Variants in SYT16 observed in about 807,000 individuals in gnomAD.
SYT16 encodes synaptotagmin 16.
SYT16 carries 42 observed loss-of-function variants against 61.4 expected under a neutral mutation model. The observed-to-expected ratio is 0.68, with a 90% confidence interval of 0.53 to 0.89. SYT16 has a LOEUF of 0.89. SYT16 is among the 40% of genes least tolerant of loss of function. The pLI, the probability that SYT16 is intolerant of heterozygous loss-of-function variation, is 0.00. For missense variants in SYT16, 804 were observed against 807.3 expected (o/e 1.00, Z 0.05); for synonymous variants, 314 against 302.3 (o/e 1.04, Z -0.40).
At chr14:62,045,806 T>C (rs968950322) in intron 3 of SYT16, among the ~76,000 whole-genome samples, 34 of 152,078 alleles carry the variant, frequency 2.2e-4, no homozygotes, top group African/African-American at 7.7e-4. Flanking sequence ...GGCTGCATAG[T>C]ATTCCATGGT....
At chr14:62,095,662 G>C (rs767007495) in intron 7 of SYT16, among the ~76,000 whole-genome samples, 1 of 151,742 alleles carries the variant, frequency 6.6e-6, no homozygotes, top group Admixed American at 6.6e-5. Flanking sequence ...ATTCCATATT[G>C]TAAAAACAAC....
At chr14:61,937,873 A>G (rs540483988) in intron 1 of SYT16, among the ~76,000 whole-genome samples, 3 of 152,262 alleles carry the variant, frequency 2.0e-5, no homozygotes, top group African/African-American at 4.8e-5. Context: ...CTATGTGTCA[A>G]TCACACATAT....
chr14:61,823,738 C>T (rs751540339), intron 1 of SYT16, among the ~76,000 whole-genome samples: 11 of 152,212 alleles, frequency 7.2e-5, no homozygotes, highest in South Asian at 4.2e-4. Flanking sequence ...GGTGACAGAG[C>T]GAGACCCTGT....
At position 62,102,758 on chromosome 14, in the gene SYT16, C is replaced by T. The variant is rs2057446005; in HGVS notation, c.*2051C>T. Reference sequence around the variant, plus strand: ...ATCTGTATATATTGTACAGACAGCCCTGAATTTTTCCCTCTCATATTTTCC... The same window carrying T: ...ATCTGTATATATTGTACAGACAGCCTTGAATTTTTCCCTCTCATATTTTCC... On this transcript the variant is annotated 3_prime_UTR_variant, in exon 8 of 8. Transcript: ENST00000683842. 1 of 152,200 alleles carries T rather than the reference C, an allele frequency of 6.6e-6. No individual in the cohort carries two copies. The highest frequency in any genetic ancestry group is 2.1e-4 in the South Asian group (1 of 4,820). The allele number at this position is 152,200 out of a possible 1,614,324, so 9.4% of individuals were successfully genotyped here. A position where few individuals can be genotyped will look rare whatever the true frequency, so the allele number is the denominator to read the frequency against.
intron 3 of SYT16, among the ~76,000 whole-genome samples, chr14:62,067,316 G>T (rs771384126): frequency 7.2e-5 from 11 of 152,180 alleles, no homozygotes; most frequent in Non-Finnish European, 1.5e-4. Context: ...GAGAACTAAA[G>T]CTTAGTGCTA....
chr14:62,034,890 C>T (rs372615875), intron 3 of SYT16, among the ~76,000 whole-genome samples: 11 of 152,112 alleles, frequency 7.2e-5, no homozygotes, highest in African/African-American at 2.7e-4. Context: ...TTAAAAAAGG[C>T]TTCCTCACAA....
intron 5 of SYT16, among the ~76,000 whole-genome samples, chr14:62,075,604 T>TAAAAAAAAAAAAAAAAAAA (rs376818967): frequency 1.6e-5 from 1 of 61,424 alleles, no homozygotes; most frequent in African/African-American, 7.3e-5. Context: ...GGATGAACGG[T>TAAAAAAAAAAAAAAAAAAA]AAAAAAAAAA....
intron 1 of SYT16, among the ~76,000 whole-genome samples, chr14:61,850,466 CT>C (rs777298917): frequency 2.6e-5 from 4 of 151,950 alleles, no homozygotes; most frequent in South Asian, 4.2e-4. Context: ...TGATGTTGAA[CT>C]TTTTTTTCAT....
chr14:61,980,081 C>T (rs1331488363), intron 2 of SYT16, among the ~76,000 whole-genome samples: 1 of 152,156 alleles, frequency 6.6e-6, no homozygotes, highest in Non-Finnish European at 1.5e-5. Context: ...CATAAAATGT[C>T]CCCTTTATAC....
intron 3 of SYT16, among the ~76,000 whole-genome samples, chr14:62,049,543 C>T (rs961943399): frequency 1.3e-5 from 2 of 152,070 alleles, no homozygotes; most frequent in East Asian, 3.9e-4. Context: ...TTATTTTGCT[C>T]GTTAGTTGAT....
Position 62,084,192 on chromosome 14 carries a change from C to T in SYT16, c.1435-4C>T, listed in dbSNP as rs1566833613. 1.2e-6 allele frequency: 2 copies of T among 1,612,436 alleles called. No individual in the cohort carries two copies. Among genetic ancestry groups the T allele is most frequent in the South Asian group, 1.1e-5 (1 of 90,890 alleles). ...ATGGATTCTTTGTTGTTCTTCCCCT[C>T]CAGAGTGGAGGGTCTCCGCTCAGCC... On this transcript the variant is annotated splice_polypyrimidine_tract_variant and splice_region_variant and intron_variant, in intron 6 of 7. Coordinates refer to ENST00000683842, the MANE Select transcript of SYT16 (RefSeq NM_001367656.1).
chr14:61,814,107 C>T lies in SYT16; in HGVS notation c.-325+1297C>T, dbSNP rs185680006. Among the ~76,000 whole-genome samples, 153 of 152,292 alleles carry T rather than the reference C, an allele frequency of 1.0e-3. 2 individuals carry two copies. The highest frequency in any genetic ancestry group is 4.1e-3 in the Admixed American group (63 of 15,296). ...TGGCCTTCAGTAAATGGTGGTTGTC[C>T]TCTCCCTGCTGTTTTGCCATCATCT... On this transcript the variant is annotated intron_variant, in intron 1 of 7. Transcript: ENST00000683842.
At chr14:61,940,603 G>A (rs1231597766) in intron 1 of SYT16, among the ~76,000 whole-genome samples, 3 of 152,118 alleles carry the variant, frequency 2.0e-5, no homozygotes, top group Non-Finnish European at 4.4e-5. Context: ...AATGTCTTAG[G>A]ACCCCTGTCA....
chr14:62,094,653 T>C (rs1263289742), intron 7 of SYT16, among the ~76,000 whole-genome samples: 1 of 152,090 alleles, frequency 6.6e-6, no homozygotes, highest in Non-Finnish European at 1.5e-5. Flanking sequence ...AGGTTAGTAA[T>C]TACTGTATCA....
chr14:62,099,048 G>T lies in SYT16; in HGVS notation c.1625-1346G>T, dbSNP rs534944657. ...AGGAAGTTCAATGTAGTAGAATGCA[G>T]TGTATAATGGCAGCAGTGGTAAGCA... is the stretch of plus-strand genomic sequence containing the variant. On this transcript the variant is annotated intron_variant, in intron 7 of 7. Transcript: ENST00000683842. 1.6e-4 allele frequency among the ~76,000 whole-genome samples: 25 copies of T among 152,306 alleles called. 1 individual carries two copies. The South Asian group carries it at 5.2e-3, about 32-fold the overall frequency.
At chr14:62,037,360 A>G (rs972199449) in intron 3 of SYT16, among the ~76,000 whole-genome samples, 2 of 152,154 alleles carry the variant, frequency 1.3e-5, no homozygotes, top group African/African-American at 4.8e-5. Context: ...TCTCTTAGGG[A>G]AAAAGTTTAC....
At chr14:61,978,206 G>T (rs189337441) in intron 2 of SYT16, among the ~76,000 whole-genome samples, 5 of 152,238 alleles carry the variant, frequency 3.3e-5, no homozygotes, top group Admixed American at 2.0e-4. Flanking sequence ...TATCTCTGGG[G>T]AGCTACCATT....
At chr14:62,068,892 T>C (rs930830869) in intron 3 of SYT16, among the ~76,000 whole-genome samples, 2 of 152,068 alleles carry the variant, frequency 1.3e-5, no homozygotes, top group African/African-American at 4.8e-5. Context: ...ACTTCCTGGG[T>C]TCAAGTGATT....
intron 3 of SYT16, among the ~76,000 whole-genome samples, chr14:62,048,127 G>A (rs1219595024): frequency 6.6e-6 from 1 of 152,164 alleles, no homozygotes; most frequent in African/African-American, 2.4e-5. Flanking sequence ...TGGTTGGTAA[G>A]CTATTAATTA....
Sources: gnomAD v4.1 joint callset for allele counts (sites outside exome capture counted in the v4.1 genomes callset) on GRCh38, gnomAD v4.1.1 for gene constraint, MANE v1.5 for transcripts, NCBI Gene and HGNC (gene_info 2026-07-23, HGNC 2026-07-21) for gene names.